The following EFCAB8 variants were observed in gnomAD, a reference collection of about 807,000 sequenced individuals.
EFCAB8 encodes EF-hand calcium binding domain 8.
A neutral mutation model predicts 116.3 loss-of-function variants in EFCAB8; 100 were observed. The ratio of observed to expected loss-of-function variants is 0.86; its 90% CI spans 0.73 to 1.02. The LOEUF (loss-of-function observed/expected upper bound fraction) is 1.02, where lower values mean the gene tolerates loss of function less well. EFCAB8 is among the 50% of genes least tolerant of loss of function. The pLI, the probability that EFCAB8 is intolerant of heterozygous loss-of-function variation, is 0.00. For synonymous variants in EFCAB8, 558 were observed against 567.9 expected (o/e 0.98, Z 0.25); for missense variants, 1,320 against 1,416.9 (o/e 0.93, Z 1.10).
chr20:32,961,605 T>G lies in EFCAB8; in HGVS notation c.3863T>G (p.Phe1288Cys). 7.5e-7 allele frequency: 1 copy of G among 1,329,358 alleles called. No individual in the cohort carries two copies. Among genetic ancestry groups the G allele is most frequent in the African/African-American group, 1.5e-5 (1 of 67,814 alleles). 82.3% of individuals were successfully genotyped at this position (1,329,358 alleles called of 1,614,324 possible). A position where few individuals can be genotyped will look rare whatever the true frequency, so the allele number is the denominator to read the frequency against. ...SSVKGSSHVR[F>C] ...GTGAAGGGGAGCTCCCATGTCAGGT[T>G]CTGAGGTGCTCCGCTGTCTTCTCTA... is the stretch of plus-strand genomic sequence containing the variant. Residue 1288 changes from phenylalanine to cysteine, a missense_variant, in exon 27 of 27, where the codon TTC becomes TGC. Phe to Cys is a radical substitution (Grantham distance 205, BLOSUM62 -2). Transcript: ENST00000400522.
intron 24 of EFCAB8, among the ~76,000 whole-genome samples, chr20:32,959,126 T>G (rs1361950226): frequency 6.6e-6 from 1 of 152,204 alleles, no homozygotes; most frequent in East Asian, 1.9e-4. Context: ...CCAGACCTTG[T>G]GCTAGGTTCT....
chr20:32,896,383 C>T (rs1349626268), intron 9 of EFCAB8, 71 bp from the exon 10 acceptor site: 1 of 702,744 alleles, frequency 1.4e-6, no homozygotes, highest in African/African-American at 1.8e-5. Context: ...CTCAAGACGT[C>T]TTCTGAGGCT....
chr20:32,863,946 A>T, intron 2 of EFCAB8, 112 bp downstream of exon 2: 1 of 1,207,224 alleles, frequency 8.3e-7, no homozygotes, highest in Non-Finnish European at 1.1e-6. Flanking sequence ...AGGGGGTTGC[A>T]TACTCAGATA....
chr20:32,869,300 C>T (rs1242166504), intron 3 of EFCAB8, among the ~76,000 whole-genome samples: 2 of 151,714 alleles, frequency 1.3e-5, no homozygotes, highest in African/African-American at 4.8e-5. Context: ...TGCAATGGCA[C>T]GATCTTGGCT....
At chr20:32,902,627 A>C (rs1021233249) in intron 11 of EFCAB8, among the ~76,000 whole-genome samples, 4 of 152,200 alleles carry the variant, frequency 2.6e-5, no homozygotes, top group African/African-American at 9.6e-5. Flanking sequence ...CACCCCATGC[A>C]TTCTTGTCTG....
chr20:32,898,969 A>T (rs1408444821), intron 11 of EFCAB8, among the ~76,000 whole-genome samples: 1 of 152,208 alleles, frequency 6.6e-6, no homozygotes, highest in African/African-American at 2.4e-5. Flanking sequence ...GGGTTGCATG[A>T]GGGAATCCTC....
intron 6 of EFCAB8, among the ~76,000 whole-genome samples, chr20:32,887,197 GCTC>G (rs1227471060): frequency 6.6e-6 from 1 of 152,148 alleles, no homozygotes; most frequent in Non-Finnish European, 1.5e-5. Flanking sequence ...ATTGGTTTAC[GCTC>G]CTCCCTGCTC....
chr20:32,917,999 G>C (rs564273464), intron 18 of EFCAB8, among the ~76,000 whole-genome samples: 2 of 152,350 alleles, frequency 1.3e-5, no homozygotes, highest in East Asian at 3.9e-4. Context: ...GCTACTGCAG[G>C]GGGGCTCTGG....
chr20:32,908,762 A>G (rs1398102115), intron 14 of EFCAB8, among the ~76,000 whole-genome samples: 1 of 151,754 alleles, frequency 6.6e-6, no homozygotes, highest in African/African-American at 2.4e-5. Context: ...GAGCCTCATA[A>G]CTCTGTCCTG....
chr20:32,860,098 A>G (rs576726356), intron 1 of EFCAB8, among the ~76,000 whole-genome samples: 3 of 152,200 alleles, frequency 2.0e-5, no homozygotes, highest in Admixed American at 6.5e-5. Context: ...CTTGAGGCCA[A>G]GGAGTTTGAG....
intron 5 of EFCAB8, among the ~76,000 whole-genome samples, chr20:32,880,272 CT>C (rs35227113): frequency 0.034 from 4,995 of 145,592 alleles, 222 homozygotes; most frequent in African/African-American, 0.11. Context: ...CCAAGGGTAA[CT>C]TTTTTTTTTT....
chr20:32,921,937 C>T (rs547856182), intron 20 of EFCAB8, among the ~76,000 whole-genome samples: 47 of 148,648 alleles, frequency 3.2e-4, no homozygotes, highest in Non-Finnish European at 4.4e-4. Context: ...TCAAGTGATT[C>T]TCCTGCCTCA....
chr20:32,923,754 C>T (rs1987558141), intron 20 of EFCAB8, among the ~76,000 whole-genome samples: 1 of 152,256 alleles, frequency 6.6e-6, no homozygotes, highest in South Asian at 2.1e-4. Context: ...ACGGGCATCT[C>T]TTCATGACGG....
chr20:32,867,155 A>G (rs1984464599), intron 2 of EFCAB8, among the ~76,000 whole-genome samples: 1 of 152,104 alleles, frequency 6.6e-6, no homozygotes, highest in African/African-American at 2.4e-5. Context: ...CCTGACCTCA[A>G]ATGATCCGCC....
intron 20 of EFCAB8, among the ~76,000 whole-genome samples, chr20:32,924,697 C>T (rs1987602296): frequency 6.6e-6 from 1 of 152,008 alleles, no homozygotes; most frequent in Non-Finnish European, 1.5e-5. Context: ...TTTTACGTGG[C>T]CTGGTGATCT....
At chr20:32,918,611 T>C in intron 19 of EFCAB8, 37 bp downstream of exon 19, 1 of 1,541,564 alleles carries the variant, frequency 6.5e-7, no homozygotes, top group African/African-American at 1.4e-5. Flanking sequence ...CTACCCTCAC[T>C]CTCTAGCCGC....
At chr20:32,951,928 T>C (rs1048020882) in intron 23 of EFCAB8, among the ~76,000 whole-genome samples, 4 of 152,188 alleles carry the variant, frequency 2.6e-5, no homozygotes, top group African/African-American at 9.7e-5. Context: ...TTTTCTCCAC[T>C]ACTGTGGCTT....
intron 11 of EFCAB8, among the ~76,000 whole-genome samples, chr20:32,905,394 C>T (rs1030630198): frequency 6.6e-6 from 1 of 152,138 alleles, no homozygotes; most frequent in African/African-American, 2.4e-5. Context: ...TCATGCAGGA[C>T]GACTGGACTA....
intron 3 of EFCAB8, among the ~76,000 whole-genome samples, chr20:32,872,804 A>G (rs1808449965): frequency 6.6e-6 from 1 of 150,912 alleles, no homozygotes; most frequent in Non-Finnish European, 1.5e-5. Context: ...AAAAACAAAA[A>G]CAAAAGGCCG....
Sources: gnomAD v4.1 joint callset for allele counts (sites outside exome capture counted in the v4.1 genomes callset) on GRCh38, gnomAD v4.1.1 for gene constraint, MANE v1.5 for transcripts, NCBI Gene and HGNC (gene_info 2026-07-23, HGNC 2026-07-21) for gene names.